Variants in NWD1 observed in about 807,000 individuals in gnomAD.
NWD1 encodes the protein NACHT domain- and WD repeat-containing protein 1.
NWD1 carries 129 observed loss-of-function variants against 135.1 expected under a neutral mutation model. That is an observed-to-expected ratio of 0.96 (90% CI 0.83 to 1.11). NWD1 has a LOEUF of 1.11. Ranked by LOEUF, NWD1 falls within the 50% of genes least tolerant of loss-of-function variation. The probability of loss-of-function intolerance (pLI) is 0.00; values close to 1 mark genes in which losing one functional copy is unlikely to be tolerated. For missense variants in NWD1, 1,740 were observed against 1,851.3 expected, an observed-to-expected ratio of 0.94 and a Z score of 1.10; for synonymous variants, 773 against 786.0, an observed-to-expected ratio of 0.98 and a Z score of 0.28.
chr19:16,786,977 A>G (rs1217942528), intron 12 of NWD1, among the ~76,000 whole-genome samples: 1 of 152,038 alleles, frequency 6.6e-6, no homozygotes, highest in East Asian at 1.9e-4. Flanking sequence ...TGTTGCAAAT[A>G]TTTCCTCCAC....
At chr19:16,792,820 T>C (rs1970292059) in intron 14 of NWD1, among the ~76,000 whole-genome samples, 1 of 145,066 alleles carries the variant, frequency 6.9e-6, no homozygotes, top group Admixed American at 7.3e-5. Context: ...GAGGTTGCAG[T>C]GAGCCGAGAT....
rs960724017 is a variant in NWD1 at position 16,736,835 on chromosome 19, A to T, written c.198+85A>T. On this transcript the variant is annotated intron_variant, in intron 4 of 18. Transcript: ENST00000524140. Reference sequence around the variant, plus strand: ...CTAGACAAACTGATCAGCAGAGGGAAGTAGGTACCGTTTCTGCTTTCGTAC... The same window carrying T: ...CTAGACAAACTGATCAGCAGAGGGATGTAGGTACCGTTTCTGCTTTCGTAC... 2.2e-5 allele frequency: 18 copies of T among 824,582 alleles called. No individual in the cohort carries two copies. The African/African-American group carries it at 3.0e-4, about 14-fold the overall frequency. 51.1% of individuals were successfully genotyped at this position (824,582 alleles called of 1,614,324 possible).
chr19:16,787,901 AATAATCATCATCATCATCATCATCATC>A (rs1248974615), intron 12 of NWD1, among the ~76,000 whole-genome samples: 1 of 84,356 alleles, frequency 1.2e-5, no homozygotes, highest in Non-Finnish European at 2.2e-5. Context: ...TAATAATAAT[AATAATCATCATCATCATCATCATCATC>A]ATCATCATCA....
rs75813323 is a variant in NWD1, at chr19:16,750,864, G to T, written c.1769+453G>T. 3.3e-5 allele frequency among the ~76,000 whole-genome samples: 5 copies of T among 152,256 alleles called. No homozygotes were observed. In the South Asian group the frequency reaches 6.2e-4, roughly 19 times the overall value. Reference sequence around the variant, plus strand: ...AAGCTGGGAAAATAAATACACACATGTAAAAGAAAGAAAGGACTGCCTACA... The same window carrying T: ...AAGCTGGGAAAATAAATACACACATTTAAAAGAAAGAAAGGACTGCCTACA... On this transcript the variant is annotated intron_variant, in intron 6 of 18. Transcript: ENST00000524140.
intron 10 of NWD1, among the ~76,000 whole-genome samples, chr19:16,766,732 T>C (rs1389146757): frequency 1.3e-5 from 2 of 152,040 alleles, no homozygotes; most frequent in Non-Finnish European, 1.5e-5. Flanking sequence ...ACTACTGACA[T>C]GTATCATCAT....
chr19:16,817,470 C>G lies in NWD1; in HGVS notation c.*2431C>G, dbSNP rs376175973. On this transcript the variant is annotated 3_prime_UTR_variant, in exon 19 of 19. Coordinates refer to ENST00000524140, the MANE Select transcript of NWD1 (RefSeq NM_001007525.5). The stretch of plus-strand genomic sequence containing the variant: ...TACAAAAATTAGCCTGGTGTGGTGA[C>G]GTACACCTGTAATTCCAGCTACTTG... 1 of 146,632 alleles carries G rather than the reference C, an allele frequency of 6.8e-6. No homozygotes were observed. The highest frequency in any genetic ancestry group is 2.5e-5 in the African/African-American group (1 of 39,644). The allele number at this position is 146,632 out of a possible 1,614,324, so 9.1% of individuals were successfully genotyped here.
chr19:16,810,475 T>G (rs1003135230), intron 18 of NWD1, among the ~76,000 whole-genome samples: 1 of 144,310 alleles, frequency 6.9e-6, no homozygotes, highest in Non-Finnish European at 1.5e-5. Context: ...AAAGAAGGCC[T>G]TGTAAGTCTA....
chr19:16,807,790 TGGC>T lies in NWD1; in HGVS notation c.3942_3944del (p.Ala1315del). 1 of 1,613,934 alleles carries T rather than the reference TGGC, an allele frequency of 6.2e-7. No homozygotes were observed. Among genetic ancestry groups the T allele is most frequent in the Non-Finnish European group, 8.5e-7 (1 of 1,179,840 alleles). On this transcript the variant is annotated inframe_deletion, in exon 18 of 19. Coordinates refer to ENST00000524140, the MANE Select transcript of NWD1 (RefSeq NM_001007525.5). ...TCCCTGAGCAAGTGCGAGGACCGCC[TGGC>T]CATCGCCTATGACAACATCGTCCTG...
rs1968501168 is a variant in NWD1, at chr19:16,749,986, T to C, written c.1344T>C (p.Ala448=). Residue 448 remains alanine, a synonymous_variant, in exon 6 of 19, where the codon GCT becomes GCC. Transcript: ENST00000524140. ...ATGACCTGGACTCTGTCCGCCATGC[T>C]CGGAGGGTTCCCTGGCTGCCTCTCA... is the stretch of plus-strand genomic sequence containing the variant. ...AMDDLDSVRH[A]RRVPWLPLNC... 6.2e-7 allele frequency: 1 copy of C among 1,613,888 alleles called. No homozygotes were observed. The highest frequency in any genetic ancestry group is 1.1e-5 in the South Asian group (1 of 91,088).
intron 6 of NWD1, among the ~76,000 whole-genome samples, chr19:16,753,775 C>G (rs982510112): frequency 6.6e-6 from 1 of 152,032 alleles, no homozygotes; most frequent in Non-Finnish European, 1.5e-5. Flanking sequence ...GCCTGAGAGA[C>G]CCTATCCATT....
chr19:16,749,722 G>T lies in NWD1; in HGVS notation c.1080G>T (p.Arg360Ser). ...GCAAGCTGGCTGAGCAGATGCCAAGGCTGCTGGGGCACAAGACAGTGACCG... is the reference window on the plus strand; with the variant it reads ...GCAAGCTGGCTGAGCAGATGCCAAGTCTGCTGGGGCACAAGACAGTGACCG... ...LMCKLAEQMPRLLGHKTVTVL... is the reference protein window; with the variant it reads ...LMCKLAEQMPSLLGHKTVTVL... Residue 360 changes from arginine to serine, a missense_variant, in exon 6 of 19, where the codon AGG becomes AGT. Arg to Ser is a moderately radical substitution (Grantham distance 110, BLOSUM62 -1). Transcript: ENST00000524140. 6.2e-7 allele frequency: 1 copy of T among 1,605,474 alleles called. No homozygotes were observed. Among genetic ancestry groups the T allele is most frequent in the Non-Finnish European group, 8.5e-7 (1 of 1,175,196 alleles).
At chr19:16,743,668 A>G (rs144738302) in intron 4 of NWD1, among the ~76,000 whole-genome samples, 3,531 of 140,854 alleles carry the variant, frequency 0.025, 135 homozygotes, top group African/African-American at 0.1. Context: ...TTATTTATTT[A>G]TTTATTAGTT....
intron 4 of NWD1, among the ~76,000 whole-genome samples, chr19:16,742,573 C>A (rs1446907285): frequency 1.3e-5 from 2 of 151,858 alleles, no homozygotes; most frequent in East Asian, 3.9e-4. Flanking sequence ...GACTTAGGGT[C>A]CTCTTAGCCC....
chr19:16,745,565 C>CAA (rs575940399), intron 5 of NWD1, among the ~76,000 whole-genome samples: 22 of 103,964 alleles, frequency 2.1e-4, no homozygotes, highest in East Asian at 8.0e-4. Flanking sequence ...CTCATCTCTA[C>CAA]AAAAAAAAAA....
At chr19:16,782,101 A>G (rs1417711065) in intron 12 of NWD1, among the ~76,000 whole-genome samples, 1 of 146,184 alleles carries the variant, frequency 6.8e-6, no homozygotes, top group Non-Finnish European at 1.5e-5. Flanking sequence ...CTCAAAAAAA[A>G]AAAAAAGAAA....
chr19:16,791,549 C>T lies in NWD1; in HGVS notation c.3140C>T (p.Thr1047Ile), dbSNP rs1250894082. 3 of 1,614,174 alleles carry T rather than the reference C, an allele frequency of 1.9e-6. No homozygotes were observed. The stretch of plus-strand genomic sequence containing the variant: ...CATATGTCCAGCATCAAAGAAGAAA[C>T]ACCTACCTGTGCCGTCTCAGTCCAG... ...KQHMSSIKEETPTCAVSVQKQ... is the reference protein window; with the variant it reads ...KQHMSSIKEEIPTCAVSVQKQ... Residue 1047 changes from threonine to isoleucine, a missense_variant, in exon 14 of 19, where the codon ACA becomes ATA. Coordinates refer to ENST00000524140, the MANE Select transcript of NWD1 (RefSeq NM_001007525.5).
intron 4 of NWD1, among the ~76,000 whole-genome samples, chr19:16,737,298 A>G (rs1191135571): frequency 6.6e-6 from 1 of 152,052 alleles, no homozygotes; most frequent in Non-Finnish European, 1.5e-5. Context: ...CAGAGTCTCA[A>G]AAAAGCCCAG....
chr19:16,755,318 C>T (rs1006121815), intron 6 of NWD1, among the ~76,000 whole-genome samples: 2 of 152,090 alleles, frequency 1.3e-5, no homozygotes, highest in Non-Finnish European at 2.9e-5. Context: ...TGGGCTCAAG[C>T]GATCCTCCCA....
intron 18 of NWD1, among the ~76,000 whole-genome samples, chr19:16,811,274 C>T (rs142753074): frequency 1.2e-3 from 182 of 151,968 alleles, no homozygotes; most frequent in African/African-American, 4.1e-3. Context: ...AAATTGAATC[C>T]CCATCGAAAA....
Sources: allele counts gnomAD v4.1 joint callset (sites outside exome capture counted in the v4.1 genomes callset), GRCh38; gene constraint gnomAD v4.1.1; transcripts MANE v1.5; gene names NCBI Gene and HGNC (gene_info 2026-07-23, HGNC 2026-07-21).